DNAAF11: variants seen among roughly 807,000 people sequenced by gnomAD.
The protein encoded by DNAAF11 is dynein axonemal assembly factor 11.
DNAAF11 carries 45 observed loss-of-function variants against 60.8 expected under a neutral mutation model. That is an observed-to-expected ratio of 0.74 (90% CI 0.58 to 0.95). The LOEUF is 0.95. Among genes scored for constraint, DNAAF11 ranks in the 40% least tolerant of loss-of-function variants. DNAAF11 has a pLI of 0.00. For synonymous variants in DNAAF11, 191 were observed against 183.5 expected (o/e 1.04, Z -0.33); for missense variants, 546 against 546.2 (o/e 1.00, Z 0.00).
At chr8:132,637,811 G>T in intron 4 of DNAAF11, 124 bp downstream of exon 4, 2 of 721,730 alleles carry the variant, frequency 2.8e-6, no homozygotes, top group Non-Finnish European at 2.2e-6. Flanking sequence ...TAATTACTTT[G>T]GGCTCTCTGG....
intron 11 of DNAAF11, chr8:132,578,589 C>T (rs1188260785): frequency 3.5e-6 from 3 of 858,310 alleles, no homozygotes; most frequent in Admixed American, 4.6e-5. Context: ...AAATTAATCA[C>T]TAAGTGCAAA....
intron 10 of DNAAF11, among the ~76,000 whole-genome samples, chr8:132,589,316 CAG>C (rs1816226680): frequency 6.6e-6 from 1 of 152,116 alleles, no homozygotes. Context: ...GGCTGAAAAA[CAG>C]ACAAAAGAGA....
the DNAAF11 span, among the ~76,000 whole-genome samples, chr8:132,697,315 G>T: frequency 6.6e-6 from 1 of 152,268 alleles, no homozygotes; most frequent in Middle Eastern, 3.4e-3. Context: ...ATGTTACCTT[G>T]TATAAATCAT....
intron 7 of DNAAF11, among the ~76,000 whole-genome samples, chr8:132,619,695 G>C (rs1819562231): frequency 6.6e-6 from 1 of 152,212 alleles, no homozygotes; most frequent in Admixed American, 6.5e-5. Flanking sequence ...AGGAAAACCA[G>C]GGGAAGGGAG....
At chr8:132,578,405 C>CACCT in intron 11 of DNAAF11, 1 of 1,471,026 alleles carries the variant, frequency 6.8e-7, no homozygotes, top group African/African-American at 1.4e-5. Context: ...GGGGCCTTTT[C>CACCT]ACCTTTGCTT....
intron 11 of DNAAF11, among the ~76,000 whole-genome samples, chr8:132,573,587 T>C (rs563284665): frequency 6.6e-6 from 1 of 152,334 alleles, no homozygotes; most frequent in South Asian, 2.1e-4. Flanking sequence ...TATTTTTCTA[T>C]TGGGGAAATA....
chr8:132,626,483 T>C (rs1820298344), intron 5 of DNAAF11, among the ~76,000 whole-genome samples: 1 of 152,220 alleles, frequency 6.6e-6, no homozygotes, highest in South Asian at 2.1e-4. Flanking sequence ...TTAAACAACG[T>C]CTCTGTATGT....
intron 7 of DNAAF11, among the ~76,000 whole-genome samples, chr8:132,616,070 A>C (rs1418161276): frequency 6.6e-6 from 1 of 151,898 alleles, no homozygotes; most frequent in African/African-American, 2.4e-5. Context: ...CTCTGCCTCG[A>C]TTGCTTATTA....
intron 4 of DNAAF11, among the ~76,000 whole-genome samples, chr8:132,634,587 T>C (rs1821111575): frequency 3.3e-5 from 5 of 151,784 alleles, no homozygotes; most frequent in Admixed American, 3.3e-4. Context: ...CAAATCAATT[T>C]GGAAATTTTT....
the DNAAF11 span, among the ~76,000 whole-genome samples, chr8:132,681,268 C>A: frequency 7.6e-3 from 1,141 of 150,944 alleles, 7 homozygotes; most frequent in Middle Eastern, 0.09. Flanking sequence ...CCTTGGTCTC[C>A]CGAAGTGCTG....
At chr8:132,573,343 GTA>G (rs1335444219) in intron 11 of DNAAF11, among the ~76,000 whole-genome samples, 1 of 152,164 alleles carries the variant, frequency 6.6e-6, no homozygotes, top group African/African-American at 2.4e-5. Flanking sequence ...TCCAGGTGTT[GTA>G]TAGGCACCAG....
intron 10 of DNAAF11, among the ~76,000 whole-genome samples, chr8:132,585,766 TA>T (rs906492379): frequency 3.9e-5 from 6 of 152,346 alleles, no homozygotes; most frequent in African/African-American, 1.2e-4. Context: ...AGGCTAAGTC[TA>T]AAATGTTGTA....
At chr8:132,574,232 C>T (rs1433141265) in intron 11 of DNAAF11, among the ~76,000 whole-genome samples, 2 of 152,208 alleles carry the variant, frequency 1.3e-5, no homozygotes, top group African/African-American at 4.8e-5. Context: ...GTGCAGAAAA[C>T]AGTAAACATG....
chr8:132,692,646 T>C, the DNAAF11 span, among the ~76,000 whole-genome samples: 1 of 152,224 alleles, frequency 6.6e-6, no homozygotes, highest in South Asian at 2.1e-4. Flanking sequence ...ACCCAGTGCC[T>C]TGTGAAGGTG....
At chr8:132,655,330 A>C (rs1364580498) in intron 3 of DNAAF11, among the ~76,000 whole-genome samples, 1 of 152,122 alleles carries the variant, frequency 6.6e-6, no homozygotes, top group East Asian at 1.9e-4. Context: ...TATTTAAAGA[A>C]GAATTAACAC....
intron 1 of DNAAF11, among the ~76,000 whole-genome samples, chr8:132,664,104 G>A (rs1032499634): frequency 4.6e-5 from 7 of 152,222 alleles, no homozygotes; most frequent in African/African-American, 1.7e-4. Flanking sequence ...TTATTTAGCA[G>A]TTTGGTTTAT....
chr8:132,696,655 C>T, the DNAAF11 span, among the ~76,000 whole-genome samples: 1 of 152,000 alleles, frequency 6.6e-6, no homozygotes, highest in African/African-American at 2.4e-5. Context: ...AAATCAGTGA[C>T]AAGATTGGGT....
rs869262359 is a variant in DNAAF11, at chr8:132,629,353, C to CT, written c.653+3386dup. Among the ~76,000 whole-genome samples the CT allele has an allele frequency of 4.5e-3, 572 of 127,462 alleles. 3 individuals carry two copies. Among genetic ancestry groups the CT allele is most frequent in the Admixed American group, 6.7e-3 (87 of 12,930 alleles). 83.6% of individuals were successfully genotyped at this position (127,462 alleles called of 152,430 possible). ...AGATACCCATTCTCTTTTTTTTTTT[C>CT]TTTTTTTTTTTTAAGACGGAGTCTC... On this transcript the variant is annotated intron_variant, in intron 5 of 11. Transcript: ENST00000620350.
At chr8:132,672,259 A>T (rs1228812110) in intron 1 of DNAAF11, among the ~76,000 whole-genome samples, 1 of 152,230 alleles carries the variant, frequency 6.6e-6, no homozygotes, top group Non-Finnish European at 1.5e-5. Flanking sequence ...AATAGTATAA[A>T]ATTTAAGAAT....
Sources: gnomAD v4.1 joint callset for allele counts (sites outside exome capture counted in the v4.1 genomes callset) on GRCh38, gnomAD v4.1.1 for gene constraint, MANE v1.5 for transcripts, NCBI Gene and HGNC (gene_info 2026-07-23, HGNC 2026-07-21) for gene names.